The following PDE3A variants were observed in gnomAD, a reference collection of about 807,000 sequenced individuals.
PDE3A encodes phosphodiesterase 3A.
In PDE3A, 43 loss-of-function variants were observed where a neutral mutation model predicts 98.3. That is an observed-to-expected ratio of 0.44 (90% CI 0.34 to 0.56). The LOEUF (loss-of-function observed/expected upper bound fraction) is 0.56. Ranked by LOEUF, PDE3A falls within the 20% of genes least tolerant of loss-of-function variation. The pLI is 0.01. For missense variants in PDE3A, 1,427 were observed against 1,440.7 expected (o/e 0.99, Z 0.15); for synonymous variants, 663 against 567.9 (o/e 1.17, Z -2.38).
chr12:20,634,904 G>T lies in PDE3A; in HGVS notation c.1849G>T (p.Asp617Tyr). 6.2e-7 allele frequency: 1 copy of T among 1,607,314 alleles called. No homozygotes were observed. The highest frequency in any genetic ancestry group is 1.1e-5 in the South Asian group (1 of 90,906). The stretch of plus-strand genomic sequence containing the variant: ...AAGTTGTTCTCTTTTAATTGTAGAT[G>T]ACACTGCTCAAGTTACCTCTGATTA... The part of the protein sequence containing the change: ...VATRTPSRTD[D>Y]TAQVTSDYET... Residue 617 changes from aspartate (D) to tyrosine (Y), a missense_variant and splice_region_variant, in exon 8 of 16, where the codon GAC becomes TAC. Around this residue, in one of 3 missense-constraint regions of PDE3A, gnomAD observed 1,012 missense variants for 886.5 expected, o/e 1.14. Transcript: ENST00000359062.
intron 1 of PDE3A, among the ~76,000 whole-genome samples, chr12:20,515,793 C>CG (rs1555155711): frequency 6.7e-6 from 1 of 150,170 alleles, no homozygotes; most frequent in Non-Finnish European, 1.5e-5. Flanking sequence ...AGTGCAGTGG[C>CG]GGGATCTCGG....
chr12:20,586,240 G>T (rs146105530), intron 2 of PDE3A, among the ~76,000 whole-genome samples: 99 of 152,304 alleles, frequency 6.5e-4, no homozygotes, highest in African/African-American at 2.3e-3. Context: ...AAATGATTGG[G>T]AAAGGAGAGT....
intron 1 of PDE3A, among the ~76,000 whole-genome samples, chr12:20,440,699 C>T (rs1164449097): frequency 6.6e-6 from 1 of 152,068 alleles, no homozygotes; most frequent in African/African-American, 2.4e-5. Flanking sequence ...TGTTAACAGC[C>T]AGTTGTTTAC....
chr12:20,632,031 A>C (rs1168386117), intron 6 of PDE3A, among the ~76,000 whole-genome samples: 2 of 152,138 alleles, frequency 1.3e-5, no homozygotes, highest in Non-Finnish European at 2.9e-5. Flanking sequence ...TTTTTCTGGC[A>C]TGAGAGCTGG....
At chr12:20,658,892 G>C (rs373770766) in intron 15 of PDE3A, among the ~76,000 whole-genome samples, 10 of 152,294 alleles carry the variant, frequency 6.6e-5, no homozygotes, top group African/African-American at 2.2e-4. Flanking sequence ...GTTCTAACAA[G>C]AGGGAGGTCA....
At chr12:20,375,350 T>C (rs10743367) in intron 1 of PDE3A, among the ~76,000 whole-genome samples, 31,219 of 151,838 alleles carry the variant, frequency 0.21, 3,419 homozygotes, top group East Asian at 0.35. Context: ...TTTTTTGTTG[T>C]TGTTTGTTTT....
intron 1 of PDE3A, among the ~76,000 whole-genome samples, chr12:20,549,366 G>T (rs967051067): frequency 6.9e-6 from 1 of 145,286 alleles, no homozygotes; most frequent in African/African-American, 2.6e-5. Context: ...ACACTATGCA[G>T]TCCCTACCCC....
At chr12:20,577,205 G>T (rs73233963) in intron 2 of PDE3A, among the ~76,000 whole-genome samples, 2,595 of 152,192 alleles carry the variant, frequency 0.017, 72 homozygotes, top group African/African-American at 0.06. Context: ...ACATGAATAG[G>T]TGTGAAACAG....
At chr12:20,381,081 G>T (rs1450248318) in intron 1 of PDE3A, among the ~76,000 whole-genome samples, 1 of 151,484 alleles carries the variant, frequency 6.6e-6, no homozygotes, top group African/African-American at 2.4e-5. Context: ...GCCTCGTTTT[G>T]TCCACTTCTC....
intron 1 of PDE3A, among the ~76,000 whole-genome samples, chr12:20,515,978 C>T (rs866501895): frequency 8.7e-5 from 13 of 149,906 alleles, no homozygotes; most frequent in Middle Eastern, 6.9e-3. Flanking sequence ...GTGATCCGCC[C>T]GCCTCGGCCT....
chr12:20,621,783 A>G (rs1944143340), intron 5 of PDE3A, among the ~76,000 whole-genome samples: 1 of 152,120 alleles, frequency 6.6e-6, no homozygotes, highest in Non-Finnish European at 1.5e-5. Flanking sequence ...TGAATTCAAG[A>G]AAGTGTTTTA....
In PDE3A at chr12:20,545,777, CAA is replaced by C. The variant is rs5796868; in HGVS notation, c.961-10871_961-10870del. ...GTAAAGGGCAAGAGGTAGTGGCTGC[CAA>C]AAAAAAAAAAACAAAACAAAACAAA... On this transcript the variant is annotated intron_variant, in intron 1 of 15. Coordinates refer to ENST00000359062, the MANE Select transcript of PDE3A (RefSeq NM_000921.5). Among the ~76,000 whole-genome samples, 41 of 141,080 alleles carry C rather than the reference CAA, an allele frequency of 2.9e-4. 1 individual carries two copies. The highest frequency in any genetic ancestry group is 1.0e-3 in the African/African-American group (39 of 37,844). 92.6% of individuals were successfully genotyped at this position (141,080 alleles called of 152,430 possible).
At chr12:20,396,284 A>G (rs1040183014) in intron 1 of PDE3A, among the ~76,000 whole-genome samples, 2 of 152,128 alleles carry the variant, frequency 1.3e-5, no homozygotes, top group Non-Finnish European at 1.5e-5. Flanking sequence ...ACCTTTCTAA[A>G]AGTGGATAAG....
intron 2 of PDE3A, among the ~76,000 whole-genome samples, chr12:20,567,761 G>A (rs1270071051): frequency 6.6e-6 from 1 of 151,784 alleles, no homozygotes; most frequent in Non-Finnish European, 1.5e-5. Flanking sequence ...ATATGACCAG[G>A]CTTTTCACTA....
intron 1 of PDE3A, among the ~76,000 whole-genome samples, chr12:20,522,646 G>A (rs1284523842): frequency 1.3e-5 from 2 of 151,974 alleles, no homozygotes; most frequent in Admixed American, 6.6e-5. Flanking sequence ...GTTGAGGCAC[G>A]GTTGGAATTG....
chr12:20,671,861 A>G (rs1236540436), intron 15 of PDE3A, among the ~76,000 whole-genome samples: 21 of 148,110 alleles, frequency 1.4e-4, no homozygotes, highest in Non-Finnish European at 2.5e-4. Context: ...GCAATTAGGC[A>G]GGAGAAGGAA....
intron 1 of PDE3A, among the ~76,000 whole-genome samples, chr12:20,398,402 C>G (rs1406549646): frequency 6.7e-6 from 1 of 149,542 alleles, no homozygotes; most frequent in Non-Finnish European, 1.5e-5. Flanking sequence ...TCAATTAATT[C>G]ATTCAAATCC....
At chr12:20,661,566 T>C (rs1484641043) in intron 15 of PDE3A, among the ~76,000 whole-genome samples, 5 of 152,122 alleles carry the variant, frequency 3.3e-5, no homozygotes, top group African/African-American at 1.2e-4. Flanking sequence ...GTGTGCAGCC[T>C]AGGGACTTGG....
At chr12:20,641,098 TTTA>T (rs1206091162) in intron 10 of PDE3A, among the ~76,000 whole-genome samples, 1 of 152,104 alleles carries the variant, frequency 6.6e-6, no homozygotes, top group African/African-American at 2.4e-5. Context: ...TATGAGCATA[TTTA>T]TTGTTTTCAA....
Sources: gnomAD v4.1 joint callset for allele counts (sites outside exome capture counted in the v4.1 genomes callset) on GRCh38, gnomAD v4.1.1 for gene constraint, gnomAD v4.1.1 regional missense constraint, MANE v1.5 for transcripts, NCBI Gene and HGNC (gene_info 2026-07-23, HGNC 2026-07-21) for gene names.